Variants in ZBTB38 observed in about 807,000 individuals in gnomAD.
ZBTB38 encodes the protein zinc finger and BTB domain containing 38, also known as zinc finger and BTB domain-containing protein 38.
A neutral mutation model predicts 76.8 loss-of-function variants in ZBTB38; 20 were observed. The observed-to-expected ratio is 0.26, with a 90% CI of 0.18 to 0.38. ZBTB38 has a LOEUF of 0.38. Among genes scored for constraint, ZBTB38 ranks in the 10% least tolerant of loss-of-function variants. ZBTB38 has a pLI of 1.00. For missense variants in ZBTB38, 1,082 were observed against 1,482.3 expected (o/e 0.73, Z 4.43); for synonymous variants, 504 against 544.2 (o/e 0.93, Z 1.03).
At chr3:141,351,689 C>T (rs1943519110) in intron 1 of ZBTB38, among the ~76,000 whole-genome samples, 1 of 145,814 alleles carries the variant, frequency 6.9e-6, no homozygotes, top group Non-Finnish European at 1.5e-5. Context: ...CACTGCACTC[C>T]AGCCTGGGTA....
chr3:141,346,816 G>GTGT (rs1553760841), intron 1 of ZBTB38, among the ~76,000 whole-genome samples: 1 of 149,144 alleles, frequency 6.7e-6, no homozygotes, highest in African/African-American at 2.5e-5. Context: ...GTGTGTGTGT[G>GTGT]GTGCAATGCT....
Position 141,446,155 on chromosome 3 carries a change from A to C in ZBTB38, c.*179A>C, listed in dbSNP as rs188079363. The stretch of plus-strand genomic sequence containing the variant: ...AATATCTACTTTGGGTTTTAGCATT[A>C]ACTTTATGCAAAGTGCACAAAAACA... On this transcript the variant is annotated 3_prime_UTR_variant, in exon 6 of 6. Transcript: ENST00000321464. 209 of 533,544 alleles carry C rather than the reference A, an allele frequency of 3.9e-4. No individual in the cohort carries two copies. Among genetic ancestry groups the C allele is most frequent in the African/African-American group, 3.7e-3 (190 of 51,310 alleles). The allele number at this position is 533,544 out of a possible 1,614,324, so 33.1% of individuals were successfully genotyped here.
chr3:141,340,755 G>A (rs1943148654), intron 1 of ZBTB38, among the ~76,000 whole-genome samples: 1 of 151,636 alleles, frequency 6.6e-6, no homozygotes, highest in Non-Finnish European at 1.5e-5. Flanking sequence ...AAATTAGCCG[G>A]GTGTGGTGGC....
chr3:141,440,832 G>A (rs764951962), intron 5 of ZBTB38, among the ~76,000 whole-genome samples: 6 of 151,752 alleles, frequency 4.0e-5, no homozygotes, highest in Admixed American at 6.6e-5. Context: ...TCAAGAGATC[G>A]AGACCATCCT....
At chr3:141,420,037 G>A (rs1381492531) in intron 5 of ZBTB38, among the ~76,000 whole-genome samples, 1 of 152,146 alleles carries the variant, frequency 6.6e-6, no homozygotes, top group Non-Finnish European at 1.5e-5. Flanking sequence ...AATGAGGCTG[G>A]GTGTTTTTGT....
Position 141,406,065 on chromosome 3 carries a change from AT to A in ZBTB38, c.-1+2035del, listed in dbSNP as rs1202025125. Reference sequence around the variant, plus strand: ...ACTTGGAGCATATTCAGGGAAAAGCATCAAGTCCAACTGAGTTAGAACTGGT... The same window carrying A: ...ACTTGGAGCATATTCAGGGAAAAGCACAAGTCCAACTGAGTTAGAACTGGT... On this transcript the variant is annotated intron_variant, in intron 5 of 5. Transcript: ENST00000321464. 1.3e-3 allele frequency among the ~76,000 whole-genome samples: 203 copies of A among 152,362 alleles called. 1 individual carries two copies. The highest frequency in any genetic ancestry group is 4.5e-3 in the African/African-American group (188 of 41,582).
In ZBTB38 at chr3:141,444,541, T is replaced by A; in HGVS notation, c.2153T>A (p.Val718Glu). ...AGTGGCTCTGCACCCTCGGTCATTG[T>A]ACACAGCAGCCAGTTTTCATCGGTG... Reference protein sequence around the residue: ...SYSGSAPSVIVHSSQFSSVIM... With the variant: ...SYSGSAPSVIEHSSQFSSVIM... Residue 718 changes from valine (V) to glutamate (E), a missense_variant, in exon 6 of 6, where the codon GTA becomes GAA. Around this residue, in one of 8 missense-constraint regions of ZBTB38, gnomAD observed 471 missense variants for 581.0 expected, o/e 0.81. Transcript: ENST00000321464. The surrounding 1 kb of genome is among the most constrained non-coding windows in gnomAD (Gnocchi z 5.1). The A allele has an allele frequency of 6.2e-7, 1 of 1,614,188 alleles. No individual in the cohort carries two copies. Among genetic ancestry groups the A allele is most frequent in the Admixed American group, 1.7e-5 (1 of 60,018 alleles).
At chr3:141,373,557 A>G (rs1009241934) in intron 2 of ZBTB38, among the ~76,000 whole-genome samples, 4 of 152,238 alleles carry the variant, frequency 2.6e-5, no homozygotes, top group African/African-American at 9.6e-5. Flanking sequence ...CAGAAATACC[A>G]CATCATATTC....
intron 1 of ZBTB38, among the ~76,000 whole-genome samples, chr3:141,335,500 T>C (rs150512715): frequency 6.6e-6 from 1 of 152,348 alleles, no homozygotes; most frequent in East Asian, 1.9e-4. Context: ...ATGTTCCTCA[T>C]AACTTTTCCC....
intron 1 of ZBTB38, among the ~76,000 whole-genome samples, chr3:141,351,024 T>A (rs1047749939): frequency 6.6e-6 from 1 of 152,226 alleles, no homozygotes; most frequent in Non-Finnish European, 1.5e-5. Context: ...CTTAACAATG[T>A]GCATTATTAT....
At chr3:141,408,539 T>C (rs575169366) in intron 5 of ZBTB38, among the ~76,000 whole-genome samples, 256 of 151,282 alleles carry the variant, frequency 1.7e-3, no homozygotes, top group African/African-American at 5.9e-3. Context: ...AGAGCAACAC[T>C]CCATCTCAAA....
chr3:141,326,222 T>C (rs570995725), intron 1 of ZBTB38, among the ~76,000 whole-genome samples: 2 of 152,176 alleles, frequency 1.3e-5, no homozygotes, highest in Non-Finnish European at 2.9e-5. Context: ...CATGGGAAAA[T>C]GTTGAGGTAA....
In ZBTB38 at chr3:141,438,717, T is replaced by G. The variant is rs371270397; in HGVS notation, c.1-3672T>G. The stretch of plus-strand genomic sequence containing the variant: ...ATTTTTTTTTAAAAAAGCTCAAATT[T>G]CATTATAACTCTCAATGGTTCCCTA... On this transcript the variant is annotated intron_variant, in intron 5 of 5. Coordinates refer to ENST00000321464, the MANE Select transcript of ZBTB38 (RefSeq NM_001376113.1). Among the ~76,000 whole-genome samples the G allele has an allele frequency of 1.8e-4, 27 of 152,268 alleles. 2 individuals are homozygous for G. The highest frequency in any genetic ancestry group is 6.5e-4 in the African/African-American group (27 of 41,546).
intron 5 of ZBTB38, among the ~76,000 whole-genome samples, chr3:141,422,818 GTATT>G (rs1003926313): frequency 6.6e-6 from 1 of 152,098 alleles, no homozygotes; most frequent in African/African-American, 2.4e-5. Flanking sequence ...GTTATTGACT[GTATT>G]TATCACAATA....
At chr3:141,399,850 G>A (rs1951338560) in intron 4 of ZBTB38, among the ~76,000 whole-genome samples, 1 of 152,140 alleles carries the variant, frequency 6.6e-6, no homozygotes, top group Admixed American at 6.5e-5. Context: ...AGAAACCTGT[G>A]TGGAGATTAA....
chr3:141,364,946 T>G (rs1943922470), upstream of ZBTB38, among the ~76,000 whole-genome samples: 2 of 152,116 alleles, frequency 1.3e-5, no homozygotes. Context: ...CTAGTGAGAA[T>G]GTAAAATGAT....
intron 4 of ZBTB38, chr3:141,394,546 A>G (rs935357415): frequency 4.6e-5 from 7 of 152,178 alleles, no homozygotes; most frequent in African/African-American, 1.4e-4. Context: ...CTTGCTGTAC[A>G]CTGCAGATTT....
chr3:141,375,799 T>A (rs1484012827), intron 2 of ZBTB38, among the ~76,000 whole-genome samples: 5 of 151,876 alleles, frequency 3.3e-5, no homozygotes, highest in African/African-American at 1.2e-4. Context: ...AAGGATGGAG[T>A]CCCACTGTGT....
chr3:141,362,163 T>G (rs1943842429), intron 1 of ZBTB38, among the ~76,000 whole-genome samples: 1 of 151,986 alleles, frequency 6.6e-6, no homozygotes, highest in South Asian at 2.1e-4. Context: ...GTCCTGGAGC[T>G]GGTCTAGGGA....
Sources: allele counts gnomAD v4.1 joint callset (sites outside exome capture counted in the v4.1 genomes callset), GRCh38; gene constraint gnomAD v4.1.1; regional missense constraint gnomAD v4.1.1; non-coding constraint Gnocchi (gnomAD v3.1); transcripts MANE v1.5; gene names NCBI Gene and HGNC (gene_info 2026-07-23, HGNC 2026-07-21).